ZNF665: variants seen among roughly 807,000 people sequenced by gnomAD.
ZNF665 encodes zinc finger protein 665.
A neutral mutation model predicts 7.9 loss-of-function variants in ZNF665; 6 were observed. That is an observed-to-expected ratio of 0.76 (90% CI 0.42 to 1.50). The LOEUF is 1.50. Among genes scored for constraint, ZNF665 ranks in the 40% most tolerant of loss-of-function variants. ZNF665 has a pLI of 0.01. For missense variants in ZNF665, 819 were observed against 806.7 expected (o/e 1.02, Z -0.18); for synonymous variants, 242 against 274.5 (o/e 0.88, Z 1.17).
chr19:53,189,071 G>C (rs1178498568), intron 1 of ZNF665, among the ~76,000 whole-genome samples: 1 of 151,880 alleles, frequency 6.6e-6, no homozygotes, highest in African/African-American at 2.4e-5. Flanking sequence ...GTGTGTGTGT[G>C]TGTGTGTGTG....
intron 2 of ZNF665, 182 bp downstream of exon 2, chr19:53,182,702 C>G: frequency 1.7e-6 from 2 of 1,198,260 alleles, no homozygotes; most frequent in Non-Finnish European, 2.4e-6. Flanking sequence ...TTCCCAAGTT[C>G]ATGTCACTGG....
chr19:53,165,738 C>A lies in ZNF665; in HGVS notation c.752G>T (p.Gly251Val). 6.2e-7 allele frequency: 1 copy of A among 1,614,060 alleles called. No homozygotes were observed. The highest frequency in any genetic ancestry group is 8.5e-7 in the Non-Finnish European group (1 of 1,180,004). The change falls in exon 4 of 4, where the codon GGT (glycine) becomes GTT (valine). Residue 251 changes from glycine (G) to valine (V), a missense_variant. Gly to Val is a moderately radical substitution (Grantham distance 109). Transcript: ENST00000396424. ...CTCTCCAGTATGAATTCTCTGATGACCTGCAAGGTTTGAAGGTTGACTGAA... is the reference window on the plus strand; with the variant it reads ...CTCTCCAGTATGAATTCTCTGATGAACTGCAAGGTTTGAAGGTTGACTGAA... ...KVFSQPSNLAGHQRIHTGEKP... is the reference protein window; with the variant it reads ...KVFSQPSNLAVHQRIHTGEKP...
At chr19:53,172,187 G>A (rs1257172993) in intron 3 of ZNF665, among the ~76,000 whole-genome samples, 1 of 152,086 alleles carries the variant, frequency 6.6e-6, no homozygotes, top group Non-Finnish European at 1.5e-5. Context: ...TGTTGGAAAT[G>A]TCTTTAAAAA....
At chr19:53,169,158 C>T (rs971203433) in intron 3 of ZNF665, among the ~76,000 whole-genome samples, 2 of 151,886 alleles carry the variant, frequency 1.3e-5, no homozygotes, top group Non-Finnish European at 2.9e-5. Flanking sequence ...TCACAAAGCA[C>T]AAATCTGATA....
intron 3 of ZNF665, among the ~76,000 whole-genome samples, chr19:53,167,772 T>C (rs1249199693): frequency 7.1e-6 from 1 of 141,702 alleles, no homozygotes; most frequent in Non-Finnish European, 1.5e-5. Flanking sequence ...AAAAGAGGAG[T>C]CTGCCGGGCG....
In ZNF665 at chr19:53,164,802, A is replaced by G; in HGVS notation, c.1688T>C (p.Ile563Thr). The G allele has an allele frequency of 6.2e-7, 1 of 1,614,232 alleles. No homozygotes were observed. The highest frequency in any genetic ancestry group is 8.5e-7 in the Non-Finnish European group (1 of 1,180,036). ...CTTATAAGGTTTCTCACCAGTGTGA[A>G]TTCTCTGATGAATTGCAAGGTACGA... Reference protein sequence around the residue: ...HNSYLAIHQRIHTGEKPYKCN... With the variant: ...HNSYLAIHQRTHTGEKPYKCN... The change falls in exon 4 of 4, where the codon ATT becomes ACT. Residue 563 changes from isoleucine (I) to threonine (T), a missense_variant. Transcript: ENST00000396424.
rs1159923775 is a variant in ZNF665 at position 53,163,043 on chromosome 19, CTTTTT to C, written c.*1405_*1409del. ...CTACTGGTAGAGAATTTCTTTCTTTCTTTTTTTGAGTCAGAGTTTCGCTCTTATTG... is the reference window on the plus strand; with the variant it reads ...CTACTGGTAGAGAATTTCTTTCTTTCTTGAGTCAGAGTTTCGCTCTTATTG... On this transcript the variant is annotated 3_prime_UTR_variant, in exon 4 of 4. Transcript: ENST00000396424. 6.6e-6 allele frequency: 1 copy of C among 152,086 alleles called. No individual in the cohort carries two copies. The highest frequency in any genetic ancestry group is 1.5e-5 in the Non-Finnish European group (1 of 68,138). 9.4% of individuals were successfully genotyped at this position (152,086 alleles called of 1,614,324 possible).
chr19:53,167,355 C>T lies in ZNF665; in HGVS notation c.143-1008G>A, dbSNP rs545037944. 1.4e-3 allele frequency among the ~76,000 whole-genome samples: 214 copies of T among 151,802 alleles called. 1 individual carries two copies. Among genetic ancestry groups the T allele is most frequent in the African/African-American group, 4.9e-3 (201 of 41,438 alleles). On this transcript the variant is annotated intron_variant, in intron 3 of 3. Transcript: ENST00000396424. ...AAAACCATCCTCTATCAATAATAAT[C>T]GAAATTAAGAAAATATTTTAGCAAC...
rs755183091 is a variant in ZNF665 at position 53,165,552 on chromosome 19, G to A, written c.938C>T (p.Thr313Ile). 1 of 1,614,154 alleles carries A rather than the reference G, an allele frequency of 6.2e-7. No homozygotes were observed. The change falls in exon 4 of 4, where the codon ACT (threonine) becomes ATT (isoleucine). Residue 313 changes from threonine to isoleucine, a missense_variant. By Grantham distance (89) the Thr-to-Ile change is moderately conservative. Coordinates refer to ENST00000396424, the MANE Select transcript of ZNF665 (RefSeq NM_024733.5). ...SHLASHRRIHTGEKPYKCNEC... is the reference protein window; with the variant it reads ...SHLASHRRIHIGEKPYKCNEC... ...ATTACACTTGTAAGGCTTCTCCCCAGTATGAATTCTTCGATGACTTGCAAG... is the reference window on the plus strand; with the variant it reads ...ATTACACTTGTAAGGCTTCTCCCCAATATGAATTCTTCGATGACTTGCAAG...
chr19:53,173,372 C>CTTTTTT (rs34425717), intron 3 of ZNF665, among the ~76,000 whole-genome samples: 10 of 78,858 alleles, frequency 1.3e-4, no homozygotes, highest in African/African-American at 4.4e-4. Flanking sequence ...TTTTTTCACT[C>CTTTTTT]TTTTTTTTTT....
At chr19:53,171,524 A>ATATATATATTTTTTTTT (rs372855271) in intron 3 of ZNF665, among the ~76,000 whole-genome samples, 1 of 69,318 alleles carries the variant, frequency 1.4e-5, no homozygotes, top group Non-Finnish European at 2.6e-5. Context: ...ATATATATAT[A>ATATATATATTTTTTTTT]TTTTTTTTTT....
Position 53,182,621 on chromosome 19 carries a change from C to A in ZNF665, c.15+263G>T, listed in dbSNP as rs762660474. Reference sequence around the variant, plus strand: ...CTGTTGCCCAACAGCACTGACACCACGGGACCCTCACCCCGTCTCCATCCA... The same window carrying A: ...CTGTTGCCCAACAGCACTGACACCAAGGGACCCTCACCCCGTCTCCATCCA... On this transcript the variant is annotated intron_variant, in intron 2 of 3. Coordinates refer to ENST00000396424, the MANE Select transcript of ZNF665 (RefSeq NM_024733.5). The A allele has an allele frequency of 5.1e-6, 4 of 783,678 alleles. No individual in the cohort carries two copies. In the African/African-American group the frequency reaches 6.8e-5, roughly 13 times the overall value. The allele number at this position is 783,678 out of a possible 1,614,324, so 48.5% of individuals were successfully genotyped here.
At position 53,166,314 on chromosome 19, in the gene ZNF665, G is replaced by A. The variant is rs2146836999; in HGVS notation, c.176C>T (p.Pro59Leu). The A allele has an allele frequency of 6.3e-7, 1 of 1,593,300 alleles. No individual in the cohort carries two copies. Among genetic ancestry groups the A allele is most frequent in the East Asian group, 2.2e-5 (1 of 44,612 alleles). Residue 59 changes from proline to leucine, a missense_variant, in exon 4 of 4, where the codon CCA becomes CTA. Transcript: ENST00000396424. ...ISCKCVNTDL[P>L]PKGKNNMGEA... Reference sequence around the variant, plus strand: ...TCCCATATTGTTCTTCCCCTTTGGTGGCAAATCCGTGTTTACACATTTACA... The same window carrying A: ...TCCCATATTGTTCTTCCCCTTTGGTAGCAAATCCGTGTTTACACATTTACA...
At chr19:53,182,611 A>G (rs1437325461) in intron 2 of ZNF665, 2 of 755,616 alleles carry the variant, frequency 2.6e-6, no homozygotes, top group Admixed American at 4.0e-5. Context: ...GCCCAACAGC[A>G]CTGACACCAC....
In ZNF665 at chr19:53,164,648, T is replaced by C. The variant is rs763746728; in HGVS notation, c.1842A>G (p.Ala614=). ...GKVFTQNSHL[A]NHRRIHTGEK... is the part of the protein sequence containing the mutation. Reference sequence around the variant, plus strand: ...CTCCAGTGTGAATTCTTCTATGATTTGCAAGATGTGAATTTTGAGTGAAGA... The same window carrying C: ...CTCCAGTGTGAATTCTTCTATGATTCGCAAGATGTGAATTTTGAGTGAAGA... The change falls in exon 4 of 4, where the codon GCA becomes GCG. Residue 614 remains alanine, a synonymous_variant. Transcript: ENST00000396424. 1.2e-6 allele frequency: 2 copies of C among 1,612,684 alleles called. No individual in the cohort carries two copies. The highest frequency in any genetic ancestry group is 2.2e-5 in the East Asian group (1 of 44,866).
chr19:53,165,458 T>A lies in ZNF665; in HGVS notation c.1032A>T (p.Lys344Asn). The part of the protein sequence containing the change: ...TTHQTIHTGE[K>N]PYKCNECGKV... ...TGCCACATTCATTACATTTGTAAGG[T>A]TTTTCTCCAGTGTGGATTGTCTGAT... Residue 344 changes from lysine (K) to asparagine (N), a missense_variant, in exon 4 of 4, where the codon AAA becomes AAT. Coordinates refer to ENST00000396424, the MANE Select transcript of ZNF665 (RefSeq NM_024733.5). 1 of 1,611,104 alleles carries A rather than the reference T, an allele frequency of 6.2e-7. No homozygotes were observed. Among genetic ancestry groups the A allele is most frequent in the Non-Finnish European group, 8.5e-7 (1 of 1,178,918 alleles).
intron 2 of ZNF665, among the ~76,000 whole-genome samples, chr19:53,177,008 A>G (rs1356819452): frequency 1.3e-5 from 2 of 152,180 alleles, no homozygotes; most frequent in Non-Finnish European, 2.9e-5. Context: ...GATCCCAGTT[A>G]CTTGGGAAGC....
At chr19:53,184,853 G>GAT (rs2090765282) in intron 1 of ZNF665, among the ~76,000 whole-genome samples, 1 of 151,352 alleles carries the variant, frequency 6.6e-6, no homozygotes, top group Admixed American at 6.6e-5. Context: ...CATCTCCAAT[G>GAT]ATAGGTAAGG....
rs11084221 is a variant in ZNF665 at position 53,173,407 on chromosome 19, G to T, written c.142+2038C>A. Among the ~76,000 whole-genome samples, 1,065 of 125,598 alleles carry T rather than the reference G, an allele frequency of 8.5e-3. 7 individuals are homozygous for T. The highest frequency in any genetic ancestry group is 0.015 in the Middle Eastern group (3 of 206). The allele number at this position is 125,598 out of a possible 152,430, so 82.4% of individuals were successfully genotyped here. On this transcript the variant is annotated intron_variant, in intron 3 of 3. Transcript: ENST00000396424. ...TTTTTTTTTTTTGAGATGGAGTCTC[G>T]TTCTGTCGCCAGGCTGGAGTGCAGT...
Sources: allele counts gnomAD v4.1 joint callset (sites outside exome capture counted in the v4.1 genomes callset), GRCh38; gene constraint gnomAD v4.1.1; transcripts MANE v1.5; gene names NCBI Gene and HGNC (gene_info 2026-07-23, HGNC 2026-07-21).